The following PID1 variants were observed in gnomAD, a reference collection of about 807,000 sequenced individuals.
PID1 encodes the protein PTB-containing, cubilin and LRP1-interacting protein.
A neutral mutation model predicts 19.1 loss-of-function variants in PID1; 10 were observed. The ratio of observed to expected loss-of-function variants is 0.52; its 90% confidence interval spans 0.32 to 0.89. The LOEUF is 0.89. PID1 is among the 40% of genes least tolerant of loss of function. PID1 has a pLI of 0.03. For missense variants in PID1, 248 were observed against 285.3 expected, an observed-to-expected ratio of 0.87 and a Z score of 0.94; for synonymous variants, 130 against 116.0, an observed-to-expected ratio of 1.12 and a Z score of -0.78.
intron 1 of PID1, 110 bp downstream of exon 1, chr2:229,270,904 A>G: frequency 2.1e-6 from 2 of 955,828 alleles, no homozygotes; most frequent in Non-Finnish European, 3.0e-6. Context: ...GATGCGTCTT[A>G]CAAGATGGTT....
chr2:229,223,732 T>C (rs1405398723), intron 1 of PID1, among the ~76,000 whole-genome samples: 1 of 152,216 alleles, frequency 6.6e-6, no homozygotes, highest in Non-Finnish European at 1.5e-5. Context: ...AAGCCAATAG[T>C]AACCTCCAGC....
intron 2 of PID1, among the ~76,000 whole-genome samples, chr2:229,056,267 TA>T (rs1694097896): frequency 6.6e-6 from 1 of 152,114 alleles, no homozygotes; most frequent in Non-Finnish European, 1.5e-5. Flanking sequence ...ATGCCCCAAT[TA>T]ACGGCCAAAC....
At chr2:229,149,431 G>T (rs1180134191) in intron 2 of PID1, among the ~76,000 whole-genome samples, 2 of 152,130 alleles carry the variant, frequency 1.3e-5, no homozygotes, top group East Asian at 3.9e-4. Flanking sequence ...TAAGCTGGAT[G>T]ACTGGAATTC....
chr2:229,198,551 A>G (rs904658467), intron 1 of PID1, among the ~76,000 whole-genome samples: 1 of 152,066 alleles, frequency 6.6e-6, no homozygotes, highest in Non-Finnish European at 1.5e-5. Flanking sequence ...CTTGAAATTG[A>G]TATGTCCCAT....
chr2:229,232,559 G>A (rs1692233328), intron 1 of PID1, among the ~76,000 whole-genome samples: 1 of 150,324 alleles, frequency 6.7e-6, no homozygotes, highest in Non-Finnish European at 1.5e-5. Context: ...ATGCAGAGAA[G>A]GAAATCAGAG....
intron 1 of PID1, among the ~76,000 whole-genome samples, chr2:229,165,754 T>C (rs1559265229): frequency 6.6e-6 from 1 of 152,114 alleles, no homozygotes; most frequent in Non-Finnish European, 1.5e-5. Context: ...TTTTAACCAG[T>C]GCAATAAGGC....
intron 2 of PID1, among the ~76,000 whole-genome samples, chr2:229,138,393 T>C (rs930980928): frequency 5.3e-5 from 8 of 152,140 alleles, no homozygotes; most frequent in Admixed American, 3.9e-4. Context: ...CTCTTCAATA[T>C]AGGTACCGAG....
At chr2:229,259,782 C>A (rs1000580608) in intron 1 of PID1, among the ~76,000 whole-genome samples, 1 of 152,074 alleles carries the variant, frequency 6.6e-6, no homozygotes, top group Non-Finnish European at 1.5e-5. Context: ...GGAGATGAAA[C>A]CTTTGGGGAG....
At chr2:229,126,996 C>T (rs1306457432) in intron 2 of PID1, among the ~76,000 whole-genome samples, 1 of 152,210 alleles carries the variant, frequency 6.6e-6, no homozygotes, top group East Asian at 1.9e-4. Context: ...CGCCATTCCC[C>T]AAGTCCTCAA....
At chr2:229,049,895 T>C (rs997533630) in intron 2 of PID1, among the ~76,000 whole-genome samples, 4 of 149,840 alleles carry the variant, frequency 2.7e-5, no homozygotes, top group Admixed American at 6.7e-5. Flanking sequence ...ATAACCAGTT[T>C]AGTTTACACA....
intron 1 of PID1, among the ~76,000 whole-genome samples, chr2:229,218,424 G>A (rs1390117167): frequency 6.6e-6 from 1 of 151,854 alleles, no homozygotes; most frequent in African/African-American, 2.4e-5. Context: ...AGTTGCACAA[G>A]TCGTAATCAC....
rs149321711 is a variant in PID1, at chr2:229,227,173, T to C, written c.30+43841A>G. On this transcript the variant is annotated intron_variant, in intron 1 of 2. Transcript: ENST00000392055. ...CAAATGTCAACCTTCCTCTCCTCGA[T>C]AACTCAGATGATCAAACTTATATTG... is the stretch of plus-strand genomic sequence containing the variant. Among the ~76,000 whole-genome samples the C allele has an allele frequency of 1.1e-3, 167 of 152,358 alleles. 7 individuals carry two copies. The Middle Eastern group carries it at 0.014, about 12-fold the overall frequency.
chr2:229,066,988 G>A (rs1229519308), intron 2 of PID1, among the ~76,000 whole-genome samples: 4 of 152,086 alleles, frequency 2.6e-5, no homozygotes, highest in South Asian at 2.1e-4. Flanking sequence ...AAAAACACCC[G>A]AGACTGGGTA....
At chr2:229,234,358 G>A (rs752352385) in intron 1 of PID1, among the ~76,000 whole-genome samples, 7 of 139,012 alleles carry the variant, frequency 5.0e-5, no homozygotes, top group Non-Finnish European at 1.1e-4. Context: ...TGTAGAAGAG[G>A]GAAGAAGACA....
intron 1 of PID1, among the ~76,000 whole-genome samples, chr2:229,206,612 C>T (rs550906643): frequency 1.4e-4 from 21 of 152,228 alleles, no homozygotes; most frequent in African/African-American, 4.3e-4. Flanking sequence ...GCTCTTTAAC[C>T]GTGACATCAT....
At chr2:229,261,282 T>A (rs978807876) in intron 1 of PID1, among the ~76,000 whole-genome samples, 2 of 152,172 alleles carry the variant, frequency 1.3e-5, no homozygotes, top group Admixed American at 6.5e-5. Flanking sequence ...CGGTTTGTGG[T>A]ACTTTGCTAT....
chr2:229,081,791 C>T (rs935368272), intron 2 of PID1, among the ~76,000 whole-genome samples: 1 of 152,168 alleles, frequency 6.6e-6, no homozygotes, highest in Non-Finnish European at 1.5e-5. Context: ...ATAGTGTTTG[C>T]AGAATATGAT....
intron 1 of PID1, among the ~76,000 whole-genome samples, chr2:229,171,465 G>C (rs1690711126): frequency 6.6e-6 from 1 of 152,062 alleles, no homozygotes; most frequent in Non-Finnish European, 1.5e-5. Flanking sequence ...CAACATCTAG[G>C]GAGACAGCAA....
rs1272334900 is a variant in PID1 at position 229,138,451 on chromosome 2, C to CCCATTTGACTTGGGTGA, written c.177+17350_177+17366dup. 4.1e-4 allele frequency among the ~76,000 whole-genome samples: 62 copies of CCCATTTGACTTGGGTGA among 152,080 alleles called. 1 individual carries two copies. The highest frequency in any genetic ancestry group is 1.4e-3 in the African/African-American group (60 of 41,490). ...GTTCCCTCTAGTACTCAGTAAAATA[C>CCCATTTGACTTGGGTGA]CCATTTGACTTGGGTGATCACTGAA... On this transcript the variant is annotated intron_variant, in intron 2 of 2. Coordinates refer to ENST00000392055, the MANE Select transcript of PID1 (RefSeq NM_001100818.2).
Sources: allele counts gnomAD v4.1 joint callset (sites outside exome capture counted in the v4.1 genomes callset), GRCh38; gene constraint gnomAD v4.1.1; transcripts MANE v1.5; gene names NCBI Gene and HGNC (gene_info 2026-07-23, HGNC 2026-07-21).